Variants in ZNRF3 observed in about 807,000 individuals in gnomAD.
ZNRF3 encodes the protein E3 ubiquitin-protein ligase ZNRF3.
Under a neutral mutation model 72.5 loss-of-function variants are expected in ZNRF3, and 23 were observed. That is an observed-to-expected ratio of 0.32 (90% CI 0.23 to 0.45). The LOEUF is 0.45. Ranked by LOEUF, ZNRF3 falls within the 20% of genes least tolerant of loss-of-function variation. The probability of loss-of-function intolerance (pLI) is 1.00; values close to 1 mark genes in which losing one functional copy is unlikely to be tolerated. For synonymous variants in ZNRF3, 610 were observed against 545.3 expected, an observed-to-expected ratio of 1.12 and a Z score of -1.65; for missense variants, 1,169 against 1,272.1, an observed-to-expected ratio of 0.92 and a Z score of 1.23.
Position 28,884,282 on chromosome 22 carries a change from C to T in ZNRF3, c.300+216C>T, listed in dbSNP as rs2033727861. On this transcript the variant is annotated intron_variant, in intron 1 of 8. Coordinates refer to ENST00000544604, the MANE Select transcript of ZNRF3 (RefSeq NM_001206998.2). ...GCGAGCGCACGTGGGGGCTAGAGCT[C>T]CTGTGAACCCCGGGGCGGGAGGGGC... is the stretch of plus-strand genomic sequence containing the variant. 2.6e-5 allele frequency among the ~76,000 whole-genome samples: 4 copies of T among 152,166 alleles called. No homozygotes were observed. The South Asian group carries it at 6.2e-4, about 24-fold the overall frequency.
chr22:28,907,970 A>G (rs2034243103), intron 1 of ZNRF3, among the ~76,000 whole-genome samples: 3 of 152,218 alleles, frequency 2.0e-5, no homozygotes, highest in Non-Finnish European at 2.9e-5. Context: ...GGCGTTTTCT[A>G]AATGCACTAT....
chr22:28,936,702 A>G (rs955712087), intron 1 of ZNRF3, among the ~76,000 whole-genome samples: 2 of 152,182 alleles, frequency 1.3e-5, no homozygotes, highest in Non-Finnish European at 2.9e-5. Flanking sequence ...TCTAAGAAGT[A>G]GTGATTCTTT....
intron 2 of ZNRF3, among the ~76,000 whole-genome samples, chr22:29,007,954 C>G (rs904480404): frequency 6.6e-6 from 1 of 151,856 alleles, no homozygotes; most frequent in Non-Finnish European, 1.5e-5. Context: ...TGGGGTTTCT[C>G]CATGTTGGTC....
intron 1 of ZNRF3, among the ~76,000 whole-genome samples, chr22:28,919,922 T>C (rs1160806871): frequency 6.6e-6 from 1 of 152,192 alleles, no homozygotes; most frequent in African/African-American, 2.4e-5. Context: ...CATTGAACTC[T>C]GTTCATTCTG....
intron 1 of ZNRF3, among the ~76,000 whole-genome samples, chr22:28,901,166 A>G (rs1385552532): frequency 2.0e-5 from 3 of 152,170 alleles, no homozygotes; most frequent in Non-Finnish European, 4.4e-5. Context: ...AACATTTCCC[A>G]GTTCAACTCA....
At chr22:28,954,381 G>T (rs1453206844) in intron 1 of ZNRF3, among the ~76,000 whole-genome samples, 3 of 152,060 alleles carry the variant, frequency 2.0e-5, no homozygotes, top group African/African-American at 4.8e-5. Flanking sequence ...TCTTAGAAGG[G>T]TACTAATCTC....
In ZNRF3 at chr22:28,917,205, T is replaced by C. The variant is rs560318137; in HGVS notation, c.300+33139T>C. Among the ~76,000 whole-genome samples the C allele has an allele frequency of 3.9e-5, 6 of 151,994 alleles. No individual in the cohort carries two copies. The South Asian group carries it at 1.2e-3, about 32-fold the overall frequency. Reference sequence around the variant, plus strand: ...GGCACTCCCACAGGAAACTAAGGACTGCCAGGATGTCTTGGGGTTCCAGTA... The same window carrying C: ...GGCACTCCCACAGGAAACTAAGGACCGCCAGGATGTCTTGGGGTTCCAGTA... On this transcript the variant is annotated intron_variant, in intron 1 of 8. Coordinates refer to ENST00000544604, the MANE Select transcript of ZNRF3 (RefSeq NM_001206998.2).
chr22:29,040,536 A>C (rs1446484100), intron 2 of ZNRF3, among the ~76,000 whole-genome samples: 1 of 151,988 alleles, frequency 6.6e-6, no homozygotes, highest in Non-Finnish European at 1.5e-5. Flanking sequence ...CTGAGGCTGA[A>C]AGCAATTGAG....
At chr22:28,945,336 CAG>C (rs1432011045) in intron 1 of ZNRF3, among the ~76,000 whole-genome samples, 9 of 152,024 alleles carry the variant, frequency 5.9e-5, no homozygotes, top group East Asian at 5.8e-4. Flanking sequence ...TACTTAATGT[CAG>C]GGGAAAATGC....
chr22:28,942,190 G>A (rs1202842563), intron 1 of ZNRF3, among the ~76,000 whole-genome samples: 2 of 152,182 alleles, frequency 1.3e-5, no homozygotes, highest in Non-Finnish European at 2.9e-5. Context: ...TTTCTTTGAG[G>A]ATCTGAAGTT....
chr22:28,963,868 C>T (rs2035410060), intron 1 of ZNRF3, among the ~76,000 whole-genome samples: 1 of 152,194 alleles, frequency 6.6e-6, no homozygotes, highest in Non-Finnish European at 1.5e-5. Context: ...ACTCCCTAAA[C>T]CCACACTCAT....
intron 2 of ZNRF3, among the ~76,000 whole-genome samples, chr22:29,015,599 G>A (rs1038703294): frequency 1.1e-4 from 16 of 151,418 alleles, no homozygotes; most frequent in Non-Finnish European, 4.4e-5. Flanking sequence ...GAACCTGGGA[G>A]GCAGAGGTTC....
At chr22:29,001,675 G>A (rs1730884920) in intron 2 of ZNRF3, among the ~76,000 whole-genome samples, 1 of 152,062 alleles carries the variant, frequency 6.6e-6, no homozygotes, top group Admixed American at 6.5e-5. Flanking sequence ...GTTTCGCCTT[G>A]TTGGCCAGGC....
At chr22:28,904,261 C>T (rs145286961) in intron 1 of ZNRF3, among the ~76,000 whole-genome samples, 6 of 152,284 alleles carry the variant, frequency 3.9e-5, no homozygotes, top group African/African-American at 7.2e-5. Context: ...TTGCAGGCTT[C>T]GAGACTGATT....
intron 2 of ZNRF3, chr22:29,031,545 C>T (rs888378943): frequency 1.0e-6 from 1 of 979,958 alleles, no homozygotes; most frequent in East Asian, 1.1e-4. Flanking sequence ...CAGAGAACAG[C>T]AGCTGACCAG....
intron 2 of ZNRF3, among the ~76,000 whole-genome samples, chr22:28,997,985 C>CT (rs1167170478): frequency 8.7e-6 from 1 of 114,824 alleles, no homozygotes; most frequent in Non-Finnish European, 1.8e-5. Context: ...GACCCTGGCT[C>CT]TTTAAAAAAA....
At chr22:28,894,911 C>G (rs1405962680) in intron 1 of ZNRF3, among the ~76,000 whole-genome samples, 1 of 152,174 alleles carries the variant, frequency 6.6e-6, no homozygotes, top group African/African-American at 2.4e-5. Context: ...TCCACAGTCC[C>G]ATGAGGCAAT....
At chr22:29,028,240 C>G (rs1294760141) in intron 2 of ZNRF3, among the ~76,000 whole-genome samples, 1 of 152,078 alleles carries the variant, frequency 6.6e-6, no homozygotes, top group Non-Finnish European at 1.5e-5. Context: ...CTAAATAGGC[C>G]TGAGTTTTTA....
At chr22:28,980,351 A>G (rs2035744141) in intron 1 of ZNRF3, among the ~76,000 whole-genome samples, 1 of 152,220 alleles carries the variant, frequency 6.6e-6, no homozygotes, top group Admixed American at 6.5e-5. Context: ...ACAAAATCAC[A>G]CTTCAATATA....
Sources: gnomAD v4.1 joint callset for allele counts (sites outside exome capture counted in the v4.1 genomes callset) on GRCh38, gnomAD v4.1.1 for gene constraint, MANE v1.5 for transcripts, NCBI Gene and HGNC (gene_info 2026-07-23, HGNC 2026-07-21) for gene names.